Variants in LRRC61 observed in about 807,000 individuals in gnomAD.
LRRC61 encodes the protein leucine rich repeat containing 61.
Under a neutral mutation model 15.1 loss-of-function variants are expected in LRRC61, and 9 were observed. The ratio of observed to expected loss-of-function variants is 0.60; its 90% CI spans 0.36 to 1.04. LRRC61 has a LOEUF of 1.04. LRRC61 is among the 50% of genes least tolerant of loss of function. The pLI is 0.01. For synonymous variants in LRRC61, 173 were observed against 158.6 expected (o/e 1.09, Z -0.68); for missense variants, 344 against 335.6 (o/e 1.03, Z -0.20).
Position 150,337,906 on chromosome 7 carries a change from C to T in LRRC61, c.*265C>T, listed in dbSNP as rs1466107129. Reference sequence around the variant, plus strand: ...TGCTGCCACTCTGGGCTGCTCCAGCCTGCAACTTAGTGGAAGGAATTACTT... The same window carrying T: ...TGCTGCCACTCTGGGCTGCTCCAGCTTGCAACTTAGTGGAAGGAATTACTT... On this transcript the variant is annotated 3_prime_UTR_variant, in exon 3 of 3. Transcript: ENST00000359623. 1.8e-6 allele frequency: 1 copy of T among 549,566 alleles called. No homozygotes were observed. The highest frequency in any genetic ancestry group is 3.3e-6 in the Non-Finnish European group (1 of 306,240). 34.0% of individuals were successfully genotyped at this position (549,566 alleles called of 1,614,324 possible). A position where few individuals can be genotyped will look rare whatever the true frequency, so the allele number is the denominator to read the frequency against.
the LRRC61 span, among the ~76,000 whole-genome samples, chr7:150,311,523 C>T: frequency 2.6e-5 from 4 of 152,248 alleles, no homozygotes; most frequent in East Asian, 3.8e-4. Context: ...GCTCTATTCA[C>T]TCTTTATTGA....
chr7:150,330,843 C>T lies in LRRC61; in HGVS notation c.-145+4833C>T, dbSNP rs2129618271. 6.2e-7 allele frequency: 1 copy of T among 1,608,572 alleles called. No homozygotes were observed. The highest frequency in any genetic ancestry group is 2.2e-5 in the East Asian group (1 of 44,802). Reference sequence around the variant, plus strand: ...GAGCTCCGGGGTGGAGGGGAGAAGCCAGGGGGAGCCTCTGCAGAGCAGCAG... The same window carrying T: ...GAGCTCCGGGGTGGAGGGGAGAAGCTAGGGGGAGCCTCTGCAGAGCAGCAG... On this transcript the variant is annotated intron_variant, in intron 2 of 2. Transcript: ENST00000359623. The surrounding 1 kb of genome is among the most constrained non-coding windows in gnomAD (Gnocchi z 4.6).
intron 2 of LRRC61, chr7:150,332,706 T>G (rs931611632): frequency 2.4e-5 from 4 of 167,100 alleles, no homozygotes; most frequent in Non-Finnish European, 5.9e-5. Context: ...TTAAATAAAG[T>G]TTTGTAAACA....
chr7:150,325,248 C>T (rs890374446), intron 1 of LRRC61, among the ~76,000 whole-genome samples: 1 of 152,254 alleles, frequency 6.6e-6, no homozygotes, highest in African/African-American at 2.4e-5. Context: ...CCCCGCCCTG[C>T]CGTCACCCCG....
intron 2 of LRRC61, among the ~76,000 whole-genome samples, chr7:150,329,081 G>A (rs1043364038): frequency 1.3e-5 from 2 of 152,196 alleles, no homozygotes; most frequent in Admixed American, 6.5e-5. Flanking sequence ...TTTCAAGGTC[G>A]GGGGGTTTCA....
chr7:150,309,941 C>G, the LRRC61 span, among the ~76,000 whole-genome samples: 3 of 152,180 alleles, frequency 2.0e-5, no homozygotes, highest in African/African-American at 7.2e-5. Flanking sequence ...AGGCTACCCA[C>G]TCCACATTAC....
Position 150,337,418 on chromosome 7 carries a change from G to A in LRRC61, c.557G>A (p.Ser186Asn), listed in dbSNP as rs1798340575. The change falls in exon 3 of 3, where the codon AGC becomes AAC. Residue 186 changes from serine to asparagine, a missense_variant. Transcript: ENST00000359623. ...GACCTGGACAGCTCCTTGCGTCCCAGCTCCAGTCCAGGCCCCAGAGCCACC... is the reference window on the plus strand; with the variant it reads ...GACCTGGACAGCTCCTTGCGTCCCAACTCCAGTCCAGGCCCCAGAGCCACC... The part of the protein sequence containing the change: ...CRDLDSSLRP[S>N]SSPGPRATEA... 3 of 1,605,546 alleles carry A rather than the reference G, an allele frequency of 1.9e-6. No homozygotes were observed. Among genetic ancestry groups the A allele is most frequent in the Non-Finnish European group, 2.5e-6 (3 of 1,179,928 alleles).
At chr7:150,315,531 G>A in the LRRC61 span, among the ~76,000 whole-genome samples, 12 of 152,256 alleles carry the variant, frequency 7.9e-5, no homozygotes, top group African/African-American at 2.6e-4. Context: ...TACATTGTAC[G>A]TTTTATATAC....
chr7:150,337,457 G>T lies in LRRC61; in HGVS notation c.596G>T (p.Trp199Leu). 6.2e-7 allele frequency: 1 copy of T among 1,604,076 alleles called. No homozygotes were observed. Among genetic ancestry groups the T allele is most frequent in the Non-Finnish European group, 8.5e-7 (1 of 1,179,774 alleles). The change falls in exon 3 of 3, where the codon TGG becomes TTG. Residue 199 changes from tryptophan to leucine, a missense_variant. Coordinates refer to ENST00000359623, the MANE Select transcript of LRRC61 (RefSeq NM_001142928.2). ...CCCAGAGCCACCGAGGCCCAGCCCT[G>T]GGTGGAGCCAGGCTACTGGGAGTCC... Reference protein sequence around the residue: ...PGPRATEAQPWVEPGYWESWP... With the variant: ...PGPRATEAQPLVEPGYWESWP...
chr7:150,330,759 T>TC lies in LRRC61; in HGVS notation c.-145+4753dup. 1 of 1,613,462 alleles carries TC rather than the reference T, an allele frequency of 6.2e-7. No homozygotes were observed. Among genetic ancestry groups the TC allele is most frequent in the Non-Finnish European group, 8.5e-7 (1 of 1,179,628 alleles). ...TAGAGTGTCTGAATACTCTTTGAAC[T>TC]CCCCAAGTCCCCTGCAAAGCCCCAG... is the stretch of plus-strand genomic sequence containing the variant. On this transcript the variant is annotated intron_variant, in intron 2 of 2. Transcript: ENST00000359623. The surrounding 1 kb of genome is among the most constrained non-coding windows in gnomAD (Gnocchi z 4.6).
Position 150,337,906 on chromosome 7 carries a change from C to A in LRRC61, c.*265C>A, listed in dbSNP as rs1466107129. 1.8e-6 allele frequency: 1 copy of A among 549,568 alleles called. No individual in the cohort carries two copies. Among genetic ancestry groups the A allele is most frequent in the Non-Finnish European group, 3.3e-6 (1 of 306,242 alleles). 34.0% of individuals were successfully genotyped at this position (549,568 alleles called of 1,614,324 possible). On this transcript the variant is annotated 3_prime_UTR_variant, in exon 3 of 3. Transcript: ENST00000359623. ...TGCTGCCACTCTGGGCTGCTCCAGC[C>A]TGCAACTTAGTGGAAGGAATTACTT...
chr7:150,317,954 G>C, the LRRC61 span, among the ~76,000 whole-genome samples: 1 of 152,156 alleles, frequency 6.6e-6, no homozygotes, highest in Non-Finnish European at 1.5e-5. Context: ...TGTCTCACAA[G>C]AGGGTGTTAA....
intron 1 of LRRC61, 41 bp downstream of exon 1, chr7:150,323,601 G>A (rs577313996): frequency 1.6e-5 from 7 of 450,694 alleles, no homozygotes; most frequent in South Asian, 9.3e-5. Flanking sequence ...GGAAGGGGGC[G>A]GCTGTCGGGG....
chr7:150,330,220 A>T lies in LRRC61; in HGVS notation c.-145+4210A>T, dbSNP rs1313217448. On this transcript the variant is annotated intron_variant, in intron 2 of 2. Transcript: ENST00000359623. This position sits in a 1 kb window ranked among gnomAD's most constrained non-coding sequence, Gnocchi z 4.6. Reference sequence around the variant, plus strand: ...CGCCAGCGCAGCCTCCTAGCCCACCAGCCCTTTGAGGAGCTCTTGGACCAC... The same window carrying T: ...CGCCAGCGCAGCCTCCTAGCCCACCTGCCCTTTGAGGAGCTCTTGGACCAC... 5.0e-6 allele frequency: 3 copies of T among 599,860 alleles called. No homozygotes were observed. The East Asian group carries it at 8.4e-5, about 17-fold the overall frequency. 37.2% of individuals were successfully genotyped at this position (599,860 alleles called of 1,614,324 possible).
the LRRC61 span, among the ~76,000 whole-genome samples, chr7:150,315,530 C>T: frequency 1.3e-5 from 2 of 152,162 alleles, no homozygotes; most frequent in African/African-American, 2.4e-5. Context: ...ATACATTGTA[C>T]GTTTTATATA....
At chr7:150,324,349 C>T (rs1012856522) in intron 1 of LRRC61, 2 of 152,418 alleles carry the variant, frequency 1.3e-5, no homozygotes, top group Non-Finnish European at 2.9e-5. Context: ...GGTTCTACTT[C>T]TCTTGCAGGC....
chr7:150,330,544 A>G lies in LRRC61; in HGVS notation c.-145+4534A>G. On this transcript the variant is annotated intron_variant, in intron 2 of 2. Transcript: ENST00000359623. This position sits in a 1 kb window ranked among gnomAD's most constrained non-coding sequence, Gnocchi z 4.6. The stretch of plus-strand genomic sequence containing the variant: ...GTCGGGGAGAGGGGCGCAGCCATCC[A>G]GCTGGCTGAGGGGTTGGCCCGGCAG... 1 of 777,638 alleles carries G rather than the reference A, an allele frequency of 1.3e-6. No individual in the cohort carries two copies. The highest frequency in any genetic ancestry group is 1.3e-5 in the South Asian group (1 of 74,128). 48.2% of individuals were successfully genotyped at this position (777,638 alleles called of 1,614,324 possible). A position where few individuals can be genotyped will look rare whatever the true frequency, so the allele number is the denominator to read the frequency against.
At chr7:150,310,200 C>T in the LRRC61 span, among the ~76,000 whole-genome samples, 4 of 152,244 alleles carry the variant, frequency 2.6e-5, no homozygotes, top group East Asian at 5.8e-4. Context: ...CAATTCAAGG[C>T]CTCTTTCACA....
rs1173355103 is a variant in LRRC61, at chr7:150,336,906, G to T, written c.45G>T (p.Gln15His). The change falls in exon 3 of 3, where the codon CAG becomes CAT. Residue 15 changes from glutamine to histidine, a missense_variant. By Grantham distance (24) the Gln-to-His change is conservative (BLOSUM62 0). Coordinates refer to ENST00000359623, the MANE Select transcript of LRRC61 (RefSeq NM_001142928.2). ...AEKPGEAGGL[Q>H]ITPQLLKSRT... ...AGCCGGGAGAGGCTGGCGGACTGCA[G>T]ATCACACCCCAGCTGCTGAAGTCAC... 12 of 1,612,408 alleles carry T rather than the reference G, an allele frequency of 7.4e-6. No individual in the cohort carries two copies. In the Admixed American group the frequency reaches 1.0e-4, roughly 13 times the overall value.
Sources: gnomAD v4.1 joint callset for allele counts (sites outside exome capture counted in the v4.1 genomes callset) on GRCh38, gnomAD v4.1.1 for gene constraint, Gnocchi (gnomAD v3.1) non-coding constraint, MANE v1.5 for transcripts, NCBI Gene and HGNC (gene_info 2026-07-23, HGNC 2026-07-21) for gene names.